The following FRMD6 variants were observed in gnomAD, a reference collection of about 807,000 sequenced individuals.
FRMD6 encodes FERM domain containing 6.
In FRMD6, 37 loss-of-function variants were observed where a neutral mutation model predicts 73.2. The observed-to-expected ratio is 0.51, with a 90% CI of 0.39 to 0.66. The LOEUF (loss-of-function observed/expected upper bound fraction) is 0.66, where lower values mean the gene tolerates loss of function less well. FRMD6 is among the 30% of genes least tolerant of loss of function. The pLI is 0.00. For missense variants in FRMD6, 714 were observed against 780.5 expected (o/e 0.91, Z 1.02); for synonymous variants, 273 against 282.2 (o/e 0.97, Z 0.33).
At chr14:51,459,826 CAAAAAAAAAAA>C in the FRMD6 span, among the ~76,000 whole-genome samples, 1 of 58,282 alleles carries the variant, frequency 1.7e-5, no homozygotes, top group Non-Finnish European at 2.9e-5. Context: ...GACTCCATTT[CAAAAAAAAAAA>C]AAAAAAAAAA....
chr14:51,713,332 C>T (rs957196263), intron 9 of FRMD6, among the ~76,000 whole-genome samples: 4 of 151,936 alleles, frequency 2.6e-5, no homozygotes, highest in Admixed American at 1.3e-4. Context: ...GTGGTGGGCA[C>T]CTGTAATCCC....
intron 1 of FRMD6, among the ~76,000 whole-genome samples, chr14:51,489,806 T>A (rs941497011): frequency 6.6e-6 from 1 of 152,328 alleles, no homozygotes; most frequent in East Asian, 1.9e-4. Flanking sequence ...AAAACACAGA[T>A]GATAACCTGA....
intron 1 of FRMD6, among the ~76,000 whole-genome samples, chr14:51,518,308 T>C (rs1213476542): frequency 6.6e-6 from 1 of 152,180 alleles, no homozygotes; most frequent in African/African-American, 2.4e-5. Flanking sequence ...AAAAGAAATG[T>C]AGATTTAGAT....
chr14:51,401,633 T>C, the FRMD6 span, among the ~76,000 whole-genome samples: 4 of 152,234 alleles, frequency 2.6e-5, no homozygotes, highest in Admixed American at 1.3e-4. Context: ...CTGAAGACTT[T>C]TTCCATTGTT....
At chr14:51,473,230 T>A in the FRMD6 span, among the ~76,000 whole-genome samples, 1 of 152,220 alleles carries the variant, frequency 6.6e-6, no homozygotes. Flanking sequence ...TTAAATTATA[T>A]GTGTATGTGG....
Position 51,720,086 on chromosome 14 carries a change from T to C in FRMD6, c.1056T>C (p.Ser352=). The part of the protein sequence containing the change: ...EKKQYRESYI[S]DNLDLDMDQL... The stretch of plus-strand genomic sequence containing the variant: ...AGCAGTACCGGGAATCTTACATCAG[T>C]GACAACCTGGACCTCGACATGGACC... Residue 352 remains serine, a synonymous_variant, in exon 11 of 14, where the codon AGT becomes AGC. Transcript: ENST00000344768. 6.2e-7 allele frequency: 1 copy of C among 1,613,238 alleles called. No homozygotes were observed. Among genetic ancestry groups the C allele is most frequent in the East Asian group, 2.2e-5 (1 of 44,882 alleles).
intron 1 of FRMD6, among the ~76,000 whole-genome samples, chr14:51,528,298 G>GCT (rs1596542618): frequency 6.6e-6 from 1 of 152,116 alleles, no homozygotes; most frequent in African/African-American, 2.4e-5. Context: ...GGCCCTCAGA[G>GCT]ATCACCAAAA....
intron 1 of FRMD6, among the ~76,000 whole-genome samples, chr14:51,688,313 C>G (rs1895315617): frequency 1.3e-5 from 2 of 152,064 alleles, no homozygotes; most frequent in Admixed American, 1.3e-4. Context: ...TTTTAGCCAC[C>G]TTCCTAATAA....
chr14:51,725,598 G>A (rs1370877419), intron 12 of FRMD6, among the ~76,000 whole-genome samples, 181 bp from the exon 13 acceptor site: 2 of 152,160 alleles, frequency 1.3e-5, no homozygotes, highest in African/African-American at 4.8e-5. Flanking sequence ...TCTATTTACT[G>A]TAAGATGAGA....
At chr14:51,508,681 C>T (rs995933939) in intron 1 of FRMD6, among the ~76,000 whole-genome samples, 2 of 152,174 alleles carry the variant, frequency 1.3e-5, no homozygotes, top group Non-Finnish European at 2.9e-5. Flanking sequence ...AAATTTACTG[C>T]GGCCCATCCT....
intron 6 of FRMD6, among the ~76,000 whole-genome samples, chr14:51,707,068 A>C (rs1245095338): frequency 6.6e-6 from 1 of 152,110 alleles, no homozygotes; most frequent in Admixed American, 6.6e-5. Context: ...CACCAAAGCC[A>C]TCTGCTTTAG....
chr14:51,499,643 A>T (rs887967230), intron 1 of FRMD6, among the ~76,000 whole-genome samples: 2 of 152,218 alleles, frequency 1.3e-5, no homozygotes, highest in Admixed American at 6.5e-5. Flanking sequence ...ACAGCTGTCT[A>T]CATACAGGGA....
At chr14:51,542,725 G>A (rs565998965) in intron 1 of FRMD6, among the ~76,000 whole-genome samples, 3 of 152,106 alleles carry the variant, frequency 2.0e-5, no homozygotes, top group South Asian at 2.1e-4. Context: ...ACCACTTTAC[G>A]TTTCCACCAG....
At chr14:51,596,900 C>T (rs1442423602) in intron 2 of FRMD6, among the ~76,000 whole-genome samples, 1 of 152,220 alleles carries the variant, frequency 6.6e-6, no homozygotes, top group Non-Finnish European at 1.5e-5. Context: ...GTGGGGTCCT[C>T]AGATCTGCTG....
At chr14:51,598,908 C>A (rs1227324222) in intron 2 of FRMD6, among the ~76,000 whole-genome samples, 1 of 151,986 alleles carries the variant, frequency 6.6e-6, no homozygotes, top group Non-Finnish European at 1.5e-5. Flanking sequence ...TGGATAAATA[C>A]CCAGTAATGG....
chr14:51,432,779 G>C, the FRMD6 span, among the ~76,000 whole-genome samples: 1 of 152,180 alleles, frequency 6.6e-6, no homozygotes, highest in Admixed American at 6.5e-5. Flanking sequence ...TCTGCCCTGG[G>C]TGCTGGGTGT....
chr14:51,690,870 A>C (rs1230564184), intron 2 of FRMD6, among the ~76,000 whole-genome samples: 1 of 152,192 alleles, frequency 6.6e-6, no homozygotes, highest in African/African-American at 2.4e-5. Flanking sequence ...AACTTTAAAA[A>C]AATTGAGTTA....
At chr14:51,553,783 C>T (rs1244226209) in intron 1 of FRMD6, among the ~76,000 whole-genome samples, 1 of 152,104 alleles carries the variant, frequency 6.6e-6, no homozygotes, top group African/African-American at 2.4e-5. Flanking sequence ...TAATGAATAG[C>T]TAAGAGAAGA....
intron 5 of FRMD6, among the ~76,000 whole-genome samples, chr14:51,703,986 T>C (rs1896481464): frequency 6.6e-6 from 1 of 152,136 alleles, no homozygotes; most frequent in Non-Finnish European, 1.5e-5. Flanking sequence ...CCAGTCAGCA[T>C]TTCTTAACGT....
Sources: gnomAD v4.1 joint callset for allele counts (sites outside exome capture counted in the v4.1 genomes callset) on GRCh38, gnomAD v4.1.1 for gene constraint, MANE v1.5 for transcripts, NCBI Gene and HGNC (gene_info 2026-07-23, HGNC 2026-07-21) for gene names.